Variants in NTM observed in about 807,000 individuals in gnomAD.
NTM encodes IgLON family member 2.
Under a neutral mutation model 42.1 loss-of-function variants are expected in NTM, and 13 were observed. That is an observed-to-expected ratio of 0.31 (90% confidence interval 0.20 to 0.49). The LOEUF is 0.49. Among genes scored for constraint, NTM ranks in the 20% least tolerant of loss-of-function variants. NTM has a pLI of 0.99. For synonymous variants in NTM, 187 were observed against 179.2 expected (o/e 1.04, Z -0.35); for missense variants, 373 against 452.8 (o/e 0.82, Z 1.60).
intron 1 of NTM, among the ~76,000 whole-genome samples, chr11:131,667,557 A>G (rs1211987519): frequency 1.3e-5 from 2 of 152,148 alleles, no homozygotes; most frequent in East Asian, 1.9e-4. Context: ...TTTTGCCCCC[A>G]GTGAGCTTCC....
At position 132,116,798 on chromosome 11, in the gene NTM, T is replaced by C. The variant is rs1346179554; in HGVS notation, c.168-29484T>C. On this transcript the variant is annotated intron_variant, in intron 2 of 8. Transcript: ENST00000683400. ...ACCTTTCTTCACCACATCTAACAGA[T>C]GGCTCAGCCCCTTTCCGTGATGCTA... Among the ~76,000 whole-genome samples, 4 of 152,242 alleles carry C rather than the reference T, an allele frequency of 2.6e-5. 1 individual carries two copies. The South Asian group carries it at 8.3e-4, about 31-fold the overall frequency.
At chr11:132,110,365 T>C (rs2063000570) in intron 2 of NTM, among the ~76,000 whole-genome samples, 1 of 152,240 alleles carries the variant, frequency 6.6e-6, no homozygotes, top group African/African-American at 2.4e-5. Context: ...TCAAAGTTTC[T>C]GCATGTCTTA....
At chr11:131,420,309 A>T (rs1354844039) in intron 1 of NTM, among the ~76,000 whole-genome samples, 1 of 152,138 alleles carries the variant, frequency 6.6e-6, no homozygotes, top group Non-Finnish European at 1.5e-5. Context: ...AGCTGCTATG[A>T]GGGGCCACGA....
intron 1 of NTM, among the ~76,000 whole-genome samples, chr11:131,710,208 G>A (rs1450416846): frequency 6.6e-6 from 1 of 152,090 alleles, no homozygotes; most frequent in Non-Finnish European, 1.5e-5. Context: ...CTCTTTCTAT[G>A]GCCTCTATCT....
At chr11:132,100,139 A>G (rs148196466) in intron 2 of NTM, among the ~76,000 whole-genome samples, 1 of 152,354 alleles carries the variant, frequency 6.6e-6, no homozygotes, top group Non-Finnish European at 1.5e-5. Flanking sequence ...TTCTCTGCCT[A>G]TATTTGCATG....
chr11:131,402,409 A>C (rs952981507), intron 1 of NTM, among the ~76,000 whole-genome samples: 10 of 143,334 alleles, frequency 7.0e-5, no homozygotes, highest in South Asian at 2.2e-4. Flanking sequence ...AAAAAAAAAA[A>C]CAAATATTGG....
At chr11:131,576,232 G>T (rs2057920506) in intron 1 of NTM, among the ~76,000 whole-genome samples, 1 of 152,160 alleles carries the variant, frequency 6.6e-6, no homozygotes, top group Non-Finnish European at 1.5e-5. Flanking sequence ...TATTCTATAG[G>T]TTTGCATCCT....
At chr11:131,780,015 A>G (rs911449264) in intron 1 of NTM, among the ~76,000 whole-genome samples, 2 of 152,224 alleles carry the variant, frequency 1.3e-5, no homozygotes, top group African/African-American at 4.8e-5. Flanking sequence ...TGCCTTCACC[A>G]CATCCCTGGG....
At chr11:131,735,656 G>T (rs115106574) in intron 1 of NTM, among the ~76,000 whole-genome samples, 149 of 152,240 alleles carry the variant, frequency 9.8e-4, no homozygotes, top group African/African-American at 3.4e-3. Context: ...ATGCTAAACC[G>T]CCACCTGTGT....
chr11:131,987,416 ATTCTATTCTATTCT>A (rs1464387731), intron 2 of NTM, among the ~76,000 whole-genome samples: 1 of 151,214 alleles, frequency 6.6e-6, no homozygotes, highest in Non-Finnish European at 1.5e-5. Flanking sequence ...ATTCTATTCT[ATTCTATTCTATTCT>A]ATTTTCATTC....
intron 2 of NTM, among the ~76,000 whole-genome samples, chr11:132,022,348 C>A (rs2074477351): frequency 6.6e-6 from 1 of 152,222 alleles, no homozygotes; most frequent in Non-Finnish European, 1.5e-5. Context: ...TGACAGTCTT[C>A]TTTCTTTGCC....
chr11:131,455,232 G>A (rs112741668), intron 1 of NTM, among the ~76,000 whole-genome samples: 292 of 152,292 alleles, frequency 1.9e-3, no homozygotes, highest in Middle Eastern at 6.8e-3. Context: ...AGCCAGCCCC[G>A]TGGGTTCATA....
chr11:131,437,542 CCTT>C (rs1423056278), intron 1 of NTM, among the ~76,000 whole-genome samples: 1 of 151,728 alleles, frequency 6.6e-6, no homozygotes, highest in African/African-American at 2.4e-5. Flanking sequence ...TATGTAATGG[CCTT>C]CTTTGTCTCT....
chr11:131,461,995 G>A (rs376366860), intron 1 of NTM, among the ~76,000 whole-genome samples: 35 of 152,174 alleles, frequency 2.3e-4, no homozygotes, highest in African/African-American at 5.3e-4. Flanking sequence ...AGCTTTATTC[G>A]TACTTTTCAA....
chr11:132,032,583 T>C (rs1210888248), intron 2 of NTM, among the ~76,000 whole-genome samples: 1 of 152,206 alleles, frequency 6.6e-6, no homozygotes, highest in Non-Finnish European at 1.5e-5. Context: ...CTCTGTGTCT[T>C]AGTGACTAGG....
At chr11:132,296,569 TA>T (rs1475871274) in intron 4 of NTM, among the ~76,000 whole-genome samples, 5 of 152,200 alleles carry the variant, frequency 3.3e-5, no homozygotes, top group Non-Finnish European at 7.3e-5. Context: ...TCCTCAAGGC[TA>T]CCAGTTCCTA....
At chr11:132,243,711 C>A (rs966928869) in intron 4 of NTM, among the ~76,000 whole-genome samples, 5 of 152,194 alleles carry the variant, frequency 3.3e-5, no homozygotes, top group Admixed American at 6.5e-5. Flanking sequence ...TTACCACTTC[C>A]CAGAACTGAC....
At chr11:131,430,143 C>A (rs937323449) in intron 1 of NTM, among the ~76,000 whole-genome samples, 3 of 152,118 alleles carry the variant, frequency 2.0e-5, no homozygotes, top group Non-Finnish European at 4.4e-5. Flanking sequence ...GAGACTATAG[C>A]CAGGAAGGGA....
chr11:132,262,806 C>T (rs2092947052), intron 4 of NTM, among the ~76,000 whole-genome samples: 2 of 152,184 alleles, frequency 1.3e-5, no homozygotes, highest in Admixed American at 1.3e-4. Flanking sequence ...ATCCCAACAG[C>T]CTCAAAAGTC....
Sources: allele counts gnomAD v4.1 joint callset (sites outside exome capture counted in the v4.1 genomes callset), GRCh38; gene constraint gnomAD v4.1.1; transcripts MANE v1.5; gene names NCBI Gene and HGNC (gene_info 2026-07-23, HGNC 2026-07-21).